Variants in CCDC12 observed in about 807,000 individuals in gnomAD.
CCDC12 encodes the protein coiled-coil domain containing 12, also known as coiled-coil domain-containing protein 12.
In CCDC12, 28 loss-of-function variants were observed where a neutral mutation model predicts 25.7. The ratio of observed to expected loss-of-function variants is 1.09; its 90% CI spans 0.81 to 1.50. CCDC12 has a LOEUF of 1.50. Among genes scored for constraint, CCDC12 ranks in the 40% most tolerant of loss-of-function variants. The probability of loss-of-function intolerance (pLI) is 0.00; values close to 1 mark genes in which losing one functional copy is unlikely to be tolerated. For missense variants in CCDC12, 198 were observed against 210.0 expected (o/e 0.94, Z 0.35); for synonymous variants, 75 against 87.7 (o/e 0.86, Z 0.81).
chr3:46,939,172 C>T (rs1305804657), intron 2 of CCDC12, among the ~76,000 whole-genome samples: 5 of 152,170 alleles, frequency 3.3e-5, no homozygotes, highest in African/African-American at 4.8e-5. Flanking sequence ...ACACATATAT[C>T]ATTTTGTGTT....
At chr3:46,923,870 T>G in intron 3 of CCDC12, 1 of 415,572 alleles carries the variant, frequency 2.4e-6, no homozygotes, top group South Asian at 8.8e-5. Flanking sequence ...GATGAAGCAT[T>G]CCCCACAGGC....
In CCDC12 at chr3:46,925,458, G is replaced by A. The variant is rs1191598164; in HGVS notation, c.242C>T (p.Ala81Val). ...GTGGAGAGGGACAGCTTGCTTACCT[G>A]CAACCGGTTTGGCCTGGGGCACCCT... ...KRRVPQAKPVAVEEKVKEQLE... is the reference protein window; with the variant it reads ...KRRVPQAKPVVVEEKVKEQLE... The change falls in exon 3 of 7, where the codon GCA becomes GTA. Residue 81 changes from alanine to valine, a missense_variant and splice_region_variant. Transcript: ENST00000683445. The A allele has an allele frequency of 3.1e-6, 5 of 1,613,382 alleles. No individual in the cohort carries two copies. The African/African-American group carries it at 4.0e-5, about 13-fold the overall frequency.
intron 1 of CCDC12, chr3:46,976,381 G>A (rs1423755581): frequency 4.3e-6 from 6 of 1,392,216 alleles, no homozygotes; most frequent in South Asian, 3.2e-5. Flanking sequence ...GCAGGAGTCA[G>A]ATGGACTGCG....
chr3:46,961,194 G>C (rs572045120), intron 1 of CCDC12, among the ~76,000 whole-genome samples: 64 of 152,126 alleles, frequency 4.2e-4, no homozygotes, highest in African/African-American at 1.4e-3. Context: ...GGAGGTATGT[G>C]GGATAGGTTA....
intron 1 of CCDC12, among the ~76,000 whole-genome samples, chr3:46,971,347 C>T (rs1335909533): frequency 6.6e-6 from 1 of 152,340 alleles, no homozygotes; most frequent in African/African-American, 2.4e-5. Context: ...TCTACAGAAT[C>T]CCCTTCCCCC....
intron 1 of CCDC12, among the ~76,000 whole-genome samples, chr3:46,969,134 T>C (rs1326459744): frequency 1.3e-5 from 2 of 152,120 alleles, no homozygotes; most frequent in Admixed American, 6.5e-5. Flanking sequence ...CCCAGCATAC[T>C]AGGCCTCTCA....
chr3:46,974,296 G>T (rs942877780), intron 1 of CCDC12, among the ~76,000 whole-genome samples: 1 of 152,194 alleles, frequency 6.6e-6, no homozygotes, highest in Admixed American at 6.5e-5. Flanking sequence ...TAAATTGTAT[G>T]TGTATTTTCC....
intron 1 of CCDC12, 113 bp from the exon 2 acceptor site, chr3:46,941,178 C>A: frequency 7.2e-6 from 7 of 968,870 alleles, no homozygotes; most frequent in Non-Finnish European, 1.2e-5. Flanking sequence ...CTGGCAGGGC[C>A]CAGCTTGGTG....
chr3:46,944,683 C>T (rs754916933), intron 1 of CCDC12, among the ~76,000 whole-genome samples: 2 of 152,058 alleles, frequency 1.3e-5, no homozygotes, highest in Non-Finnish European at 2.9e-5. Context: ...CCCCTGCCTG[C>T]CAGCCAGCCT....
At chr3:46,979,777 A>T (rs1435605631), upstream of CCDC12, 1 of 361,216 alleles carries the variant, frequency 2.8e-6, no homozygotes, top group South Asian at 9.8e-5. Flanking sequence ...CCCTCCGCCC[A>T]TGGGCCTGGC....
chr3:46,976,890 C>T, upstream of CCDC12: 5 of 1,295,586 alleles, frequency 3.9e-6, no homozygotes, highest in South Asian at 7.8e-5. Flanking sequence ...CCCTCCCCGC[C>T]TTGCCCCGCC....
chr3:46,976,926 C>G, upstream of CCDC12: 2 of 821,408 alleles, frequency 2.4e-6, no homozygotes, highest in Non-Finnish European at 3.3e-6. Flanking sequence ...CTTATTCTTC[C>G]GGACAACTTG....
intron 1 of CCDC12, among the ~76,000 whole-genome samples, chr3:46,959,556 C>T (rs962401396): frequency 1.3e-5 from 2 of 152,170 alleles, no homozygotes; most frequent in Non-Finnish European, 2.9e-5. Flanking sequence ...TGCCTTGTTC[C>T]TTCCCTCAGT....
upstream of CCDC12, among the ~76,000 whole-genome samples, chr3:46,977,723 A>G (rs572313324): frequency 3.3e-5 from 5 of 152,124 alleles, no homozygotes; most frequent in African/African-American, 4.8e-5. Context: ...TGGAGCAGCA[A>G]AGTCCTCAGG....
chr3:46,937,318 C>T (rs570553385), intron 2 of CCDC12, among the ~76,000 whole-genome samples: 5 of 152,206 alleles, frequency 3.3e-5, no homozygotes, highest in Non-Finnish European at 4.4e-5. Flanking sequence ...AAGGTATGTT[C>T]TCCATAAGGC....
intron 1 of CCDC12, among the ~76,000 whole-genome samples, chr3:46,953,747 A>T (rs1409351410): frequency 6.6e-6 from 1 of 152,092 alleles, no homozygotes; most frequent in Non-Finnish European, 1.5e-5. Flanking sequence ...CTCTAACCAC[A>T]GTAGCAAATG....
chr3:46,968,198 A>G (rs2034694716), intron 1 of CCDC12, among the ~76,000 whole-genome samples: 1 of 152,190 alleles, frequency 6.6e-6, no homozygotes, highest in Non-Finnish European at 1.5e-5. Flanking sequence ...CTGAGTCCTT[A>G]GGAAGAACGG....
At chr3:46,966,835 C>T (rs1194304595) in intron 1 of CCDC12, among the ~76,000 whole-genome samples, 1 of 152,226 alleles carries the variant, frequency 6.6e-6, no homozygotes, top group Non-Finnish European at 1.5e-5. Flanking sequence ...CCTGAAACAG[C>T]TGGACCAAGC....
At chr3:46,971,984 A>G (rs913938023) in intron 1 of CCDC12, among the ~76,000 whole-genome samples, 18 of 152,230 alleles carry the variant, frequency 1.2e-4, no homozygotes, top group Admixed American at 6.5e-5. Context: ...TAAAAGGTCC[A>G]GCAGAAAGGG....
Sources: gnomAD v4.1 joint callset for allele counts (sites outside exome capture counted in the v4.1 genomes callset) on GRCh38, gnomAD v4.1.1 for gene constraint, MANE v1.5 for transcripts, NCBI Gene and HGNC (gene_info 2026-07-23, HGNC 2026-07-21) for gene names.